The following HAVCR1 variants were observed in gnomAD, a reference collection of about 807,000 sequenced individuals.
The protein encoded by HAVCR1 is T cell immunoglobin domain and mucin domain protein 1.
Under a neutral mutation model 32.0 loss-of-function variants are expected in HAVCR1, and 34 were observed. The ratio of observed to expected loss-of-function variants is 1.06; its 90% CI spans 0.81 to 1.42. The LOEUF (loss-of-function observed/expected upper bound fraction) is 1.42, where lower values mean the gene tolerates loss of function less well. HAVCR1 is among the 40% of genes most tolerant of loss of function. HAVCR1 has a pLI of 0.00. For missense variants in HAVCR1, 420 were observed against 442.3 expected (o/e 0.95, Z 0.45); for synonymous variants, 178 against 170.3 (o/e 1.05, Z -0.35).
intron 4 of HAVCR1, among the ~76,000 whole-genome samples, chr5:157,050,052 G>A (rs543540404): frequency 6.6e-6 from 1 of 152,230 alleles, no homozygotes; most frequent in Admixed American, 6.5e-5. Context: ...AATTAGTGAC[G>A]GTGACTGGAT....
At chr5:157,035,281 T>G (rs76253806) in intron 7 of HAVCR1, among the ~76,000 whole-genome samples, 2,576 of 152,242 alleles carry the variant, frequency 0.017, 74 homozygotes, top group African/African-American at 0.058. Flanking sequence ...CTAAGCAAGC[T>G]CCAAAATAAT....
At chr5:157,055,085 A>G in intron 3 of HAVCR1, 116 bp downstream of exon 3, 2 of 597,602 alleles carry the variant, frequency 3.3e-6, no homozygotes, top group South Asian at 2.3e-5. Context: ...CAAGAACAAG[A>G]GTTTATTTAA....
chr5:157,068,550 G>A, the HAVCR1 span, among the ~76,000 whole-genome samples: 63 of 152,276 alleles, frequency 4.1e-4, 1 homozygote, highest in South Asian at 0.011. Context: ...TTGAGCCACT[G>A]CACTCCAGCC....
upstream of HAVCR1, among the ~76,000 whole-genome samples, chr5:157,060,494 A>C (rs1346650229): frequency 6.6e-6 from 1 of 152,090 alleles, no homozygotes; most frequent in Non-Finnish European, 1.5e-5. Context: ...CATTTTTCAC[A>C]GGTCCTTCAA....
intron 8 of HAVCR1, 73 bp downstream of exon 8, chr5:157,032,781 G>C: frequency 1.1e-6 from 1 of 906,528 alleles, no homozygotes; most frequent in Non-Finnish European, 1.8e-6. Context: ...GTTTAGGAGA[G>C]AGACAGAAAT....
At chr5:157,046,997 A>G (rs544573077) in intron 5 of HAVCR1, among the ~76,000 whole-genome samples, 1 of 152,326 alleles carries the variant, frequency 6.6e-6, no homozygotes, top group Admixed American at 6.5e-5. Flanking sequence ...GAGATTATAC[A>G]TACATATATA....
At position 157,054,844 on chromosome 5, in the gene HAVCR1, A is replaced by G. The variant is rs1161464773; in HGVS notation, c.379+357T>C. On this transcript the variant is annotated intron_variant, in intron 3 of 8. Coordinates refer to ENST00000523175, the MANE Select transcript of HAVCR1 (RefSeq NM_001173393.3). ...ATTCGGTGTTATAAGTAATCTAGAG[A>G]TGATTTAAAGCATATGGGACTATGT... 2.0e-5 allele frequency among the ~76,000 whole-genome samples: 3 copies of G among 152,342 alleles called. No individual in the cohort carries two copies. The East Asian group carries it at 5.8e-4, about 29-fold the overall frequency.
At chr5:157,056,542 G>T (rs1412680101) in intron 2 of HAVCR1, among the ~76,000 whole-genome samples, 1 of 151,766 alleles carries the variant, frequency 6.6e-6, no homozygotes, top group Non-Finnish European at 1.5e-5. Context: ...GCCACGCCCG[G>T]CTAATTTTTT....
intron 7 of HAVCR1, 84 bp from the exon 8 acceptor site, chr5:157,032,971 G>A (rs1754265045): frequency 2.3e-6 from 2 of 853,040 alleles, no homozygotes; most frequent in African/African-American, 3.4e-5. Flanking sequence ...TCAATCAAGT[G>A]TATTATTTCT....
chr5:157,047,229 T>C (rs753951737), intron 5 of HAVCR1, among the ~76,000 whole-genome samples: 1 of 151,994 alleles, frequency 6.6e-6, no homozygotes, highest in Admixed American at 6.6e-5. Context: ...CCCTGGGGGA[T>C]GGAATGTTGA....
At chr5:157,032,967 A>C (rs1258887170) in intron 7 of HAVCR1, 80 bp from the exon 8 acceptor site, 7 of 882,852 alleles carry the variant, frequency 7.9e-6, no homozygotes, top group Non-Finnish European at 1.2e-5. Flanking sequence ...TTTTTCAATC[A>C]AGTGTATTAT....
chr5:157,053,659 C>T (rs952591458), intron 3 of HAVCR1, among the ~76,000 whole-genome samples: 2 of 152,090 alleles, frequency 1.3e-5, no homozygotes, highest in Non-Finnish European at 2.9e-5. Flanking sequence ...TGCCTGAGGT[C>T]AGGAGTTTGA....
chr5:157,044,470 AG>A (rs368187622), intron 5 of HAVCR1, among the ~76,000 whole-genome samples: 11,569 of 41,830 alleles, frequency 0.28, 2,172 homozygotes, highest in Admixed American at 0.37. Flanking sequence ...AAAGAAAGAA[AG>A]GAAGGAAGGA....
the HAVCR1 span, among the ~76,000 whole-genome samples, chr5:157,068,526 A>G: frequency 6.6e-6 from 1 of 151,556 alleles, no homozygotes; most frequent in Admixed American, 6.6e-5. Flanking sequence ...GTTCAAGGTT[A>G]CAGTGAGCTA....
upstream of HAVCR1, among the ~76,000 whole-genome samples, chr5:157,061,020 C>A (rs1328548620): frequency 1.3e-5 from 2 of 152,034 alleles, no homozygotes; most frequent in African/African-American, 4.8e-5. Flanking sequence ...GCCACAGTCT[C>A]CTGAGTAGCT....
chr5:157,052,715 C>T (rs1755840941), intron 3 of HAVCR1, 61 bp from the exon 4 acceptor site: 2 of 1,407,024 alleles, frequency 1.4e-6, no homozygotes, highest in Non-Finnish European at 1.0e-6. Context: ...GAGCCTCAGG[C>T]TGGAACTGTA....
intron 2 of HAVCR1, among the ~76,000 whole-genome samples, chr5:157,057,391 GAAAGAAAGAAAGAAA>G (rs1756238467): frequency 0.022 from 231 of 10,498 alleles, 1 homozygote; most frequent in African/African-American, 0.03. Flanking sequence ...AGAGAGGAAA[GAAAGAAAGAAAGAAA>G]GAAAGAAAGA....
At chr5:157,041,049 C>G (rs1251075338) in intron 6 of HAVCR1, among the ~76,000 whole-genome samples, 6 of 152,094 alleles carry the variant, frequency 3.9e-5, no homozygotes, top group Non-Finnish European at 8.8e-5. Flanking sequence ...AAGAAAAGAT[C>G]TTATTAGTAA....
At chr5:157,046,712 T>G (rs776097380) in intron 5 of HAVCR1, among the ~76,000 whole-genome samples, 1 of 152,210 alleles carries the variant, frequency 6.6e-6, no homozygotes, top group East Asian at 1.9e-4. Context: ...CTCTTTCCTA[T>G]AGATGGTGTC....
Sources: gnomAD v4.1 joint callset for allele counts (sites outside exome capture counted in the v4.1 genomes callset) on GRCh38, gnomAD v4.1.1 for gene constraint, MANE v1.5 for transcripts, NCBI Gene and HGNC (gene_info 2026-07-23, HGNC 2026-07-21) for gene names.